Variants in SFXN1 observed in about 807,000 individuals in gnomAD.
The protein encoded by SFXN1 is sideroflexin-1.
Under a neutral mutation model 39.5 loss-of-function variants are expected in SFXN1, and 32 were observed. That is an observed-to-expected ratio of 0.81 (90% CI 0.61 to 1.09). The LOEUF is 1.09. SFXN1 is among the 50% of genes least tolerant of loss of function. The pLI is 0.00. For synonymous variants in SFXN1, 136 were observed against 146.5 expected, an observed-to-expected ratio of 0.93 and a Z score of 0.52; for missense variants, 402 against 407.1, an observed-to-expected ratio of 0.99 and a Z score of 0.11.
In SFXN1 at chr5:175,486,194, G is replaced by GT. The variant is rs1235161891; in HGVS notation, c.-9-5901_-9-5900insT. On this transcript the variant is annotated intron_variant, in intron 1 of 10. Transcript: ENST00000321442. ...TTATTTAAAGGAAAAAAGTGGGGGG[G>GT]CCTCCAAGATATCATTTCTCTGCAG... Among the ~76,000 whole-genome samples the GT allele has an allele frequency of 2.7e-4, 41 of 152,182 alleles. 1 individual carries two copies. Among genetic ancestry groups the GT allele is most frequent in the African/African-American group, 7.2e-5 (3 of 41,478 alleles).
At chr5:175,517,642 C>T (rs1176310378) in intron 8 of SFXN1, among the ~76,000 whole-genome samples, 1 of 152,204 alleles carries the variant, frequency 6.6e-6, no homozygotes. Flanking sequence ...TTGCATTTCA[C>T]CCATGTAGAG....
intron 2 of SFXN1, among the ~76,000 whole-genome samples, chr5:175,498,675 A>G (rs184450906): frequency 2.0e-4 from 30 of 152,310 alleles, no homozygotes; most frequent in Non-Finnish European, 2.2e-4. Flanking sequence ...TAAGAAAGCT[A>G]CCTAACAGAG....
At chr5:175,491,720 C>T (rs527354309) in intron 1 of SFXN1, 135 of 157,912 alleles carry the variant, frequency 8.5e-4, no homozygotes, top group African/African-American at 3.1e-3. Flanking sequence ...CGCCTGGGCT[C>T]AAGGGATCTT....
intron 1 of SFXN1, among the ~76,000 whole-genome samples, chr5:175,482,819 A>G (rs1759302449): frequency 6.6e-6 from 1 of 152,202 alleles, no homozygotes; most frequent in Non-Finnish European, 1.5e-5. Flanking sequence ...AATCTAGATT[A>G]TATTTGCTTA....
intron 1 of SFXN1, among the ~76,000 whole-genome samples, chr5:175,484,414 G>T (rs1055848091): frequency 2.6e-5 from 4 of 152,098 alleles, no homozygotes; most frequent in Non-Finnish European, 5.9e-5. Flanking sequence ...CCCACAACCC[G>T]GCCCTCCTGA....
intron 10 of SFXN1, 79 bp downstream of exon 10, chr5:175,522,501 A>G: frequency 7.2e-7 from 1 of 1,397,448 alleles, no homozygotes. Context: ...CCATTATTCC[A>G]TTTCATTGGC....
At chr5:175,519,982 G>A (rs1469784620) in intron 8 of SFXN1, among the ~76,000 whole-genome samples, 1 of 144,320 alleles carries the variant, frequency 6.9e-6, no homozygotes, top group Non-Finnish European at 1.5e-5. Context: ...CAATTCTCCT[G>A]CCTCAGCCTC....
intron 8 of SFXN1, among the ~76,000 whole-genome samples, chr5:175,520,839 G>A (rs1760859356): frequency 6.6e-6 from 1 of 152,128 alleles, no homozygotes; most frequent in South Asian, 2.1e-4. Flanking sequence ...AGAGACAGTT[G>A]CCAAAGATAC....
intron 1 of SFXN1, among the ~76,000 whole-genome samples, chr5:175,490,195 C>T (rs1759606183): frequency 6.6e-6 from 1 of 152,048 alleles, no homozygotes; most frequent in Non-Finnish European, 1.5e-5. Context: ...AGTTTCTGAC[C>T]CTCTGTGATG....
intron 2 of SFXN1, among the ~76,000 whole-genome samples, chr5:175,494,237 TG>T (rs1419230094): frequency 6.6e-6 from 1 of 152,238 alleles, no homozygotes; most frequent in Non-Finnish European, 1.5e-5. Flanking sequence ...TTTTTCCTTT[TG>T]TTTTTTCTAT....
At position 175,500,245 on chromosome 5, in the gene SFXN1, G is replaced by A. The variant is rs578203962; in HGVS notation, c.164+7978G>A. ...ATAAATGGGTTTAGTAAGGTTACAA[G>A]ATACAAGATCAATATACAAAAATCA... On this transcript the variant is annotated intron_variant, in intron 2 of 10. Transcript: ENST00000321442. Among the ~76,000 whole-genome samples the A allele has an allele frequency of 3.3e-5, 5 of 151,434 alleles. No homozygotes were observed. The East Asian group carries it at 9.7e-4, about 29-fold the overall frequency.
intron 6 of SFXN1, among the ~76,000 whole-genome samples, 182 bp downstream of exon 6, chr5:175,512,378 A>G (rs542651424): frequency 7.2e-5 from 11 of 152,318 alleles, no homozygotes; most frequent in African/African-American, 2.4e-4. Context: ...TTGAGAAAAC[A>G]AGCTTAGCGA....
intron 2 of SFXN1, among the ~76,000 whole-genome samples, chr5:175,492,741 C>G (rs545469877): frequency 6.6e-6 from 1 of 152,158 alleles, no homozygotes; most frequent in Non-Finnish European, 1.5e-5. Context: ...GTGGCAATGC[C>G]TACAGGGAAT....
intron 1 of SFXN1, among the ~76,000 whole-genome samples, chr5:175,486,732 T>C (rs1759464613): frequency 6.6e-6 from 1 of 152,086 alleles, no homozygotes; most frequent in Non-Finnish European, 1.5e-5. Context: ...GAGCTATGAT[T>C]GCACCACTGC....
intron 10 of SFXN1, 146 bp from the exon 11 acceptor site, chr5:175,526,492 T>G (rs1761063951): frequency 1.5e-6 from 1 of 648,392 alleles, no homozygotes; most frequent in East Asian, 2.6e-5. Context: ...CGTGATCTCG[T>G]TTTCTAGCCG....
intron 2 of SFXN1, among the ~76,000 whole-genome samples, chr5:175,496,475 A>G (rs1346458471): frequency 6.6e-6 from 1 of 152,198 alleles, no homozygotes; most frequent in African/African-American, 2.4e-5. Context: ...CTCAAATAGG[A>G]ACAAAACTCA....
chr5:175,486,554 G>T (rs932175031), intron 1 of SFXN1, among the ~76,000 whole-genome samples: 1 of 152,118 alleles, frequency 6.6e-6, no homozygotes, highest in South Asian at 2.1e-4. Flanking sequence ...TTGAGCCCGG[G>T]AGTTCGAGAC....
intron 2 of SFXN1, among the ~76,000 whole-genome samples, chr5:175,493,726 C>A (rs1759749697): frequency 6.6e-6 from 1 of 152,100 alleles, no homozygotes; most frequent in Admixed American, 6.5e-5. Flanking sequence ...TGGTAAAGGA[C>A]CAACATCAGA....
chr5:175,508,636 T>G (rs1372609229), intron 2 of SFXN1, among the ~76,000 whole-genome samples: 2 of 142,298 alleles, frequency 1.4e-5, no homozygotes, highest in Non-Finnish European at 3.0e-5. Flanking sequence ...GTGTTTTAGG[T>G]GAGCATAAAT....
Sources: gnomAD v4.1 joint callset for allele counts (sites outside exome capture counted in the v4.1 genomes callset) on GRCh38, gnomAD v4.1.1 for gene constraint, MANE v1.5 for transcripts, NCBI Gene and HGNC (gene_info 2026-07-23, HGNC 2026-07-21) for gene names.